Variants in TREM1 observed in about 807,000 individuals in gnomAD.
TREM1 encodes triggering receptor expressed on monocytes 1.
TREM1 carries 16 observed loss-of-function variants against 22.4 expected under a neutral mutation model. The ratio of observed to expected loss-of-function variants is 0.71; its 90% CI spans 0.48 to 1.08. The LOEUF (loss-of-function observed/expected upper bound fraction) is 1.08. Among genes scored for constraint, TREM1 ranks in the 50% least tolerant of loss-of-function variants. The pLI is 0.00. For synonymous variants in TREM1, 110 were observed against 111.6 expected, an observed-to-expected ratio of 0.99 and a Z score of 0.09; for missense variants, 283 against 282.9, an observed-to-expected ratio of 1.00 and a Z score of 0.00.
chr6:41,283,719 A>AAACAC (rs1554147927), intron 1 of TREM1, among the ~76,000 whole-genome samples: 17 of 147,034 alleles, frequency 1.2e-4, no homozygotes, highest in African/African-American at 4.3e-4. Context: ...TAAAAAAAAA[A>AAACAC]ACACACACAC....
downstream of TREM1, among the ~76,000 whole-genome samples, chr6:41,270,600 A>G (rs1315435726): frequency 6.6e-6 from 1 of 152,054 alleles, no homozygotes; most frequent in African/African-American, 2.4e-5. Context: ...AGACTGGAAA[A>G]TGTTCATCAT....
rs1022180927 is a variant in TREM1, at chr6:41,275,459, A to G, written c.*666T>C. ...GGATCCAGCGATAAATGCACACAGG[A>G]TGTCTGACATGGTCTGTTGTTGCTC... is the stretch of plus-strand genomic sequence containing the variant. On this transcript the variant is annotated 3_prime_UTR_variant, in exon 4 of 4. Transcript: ENST00000244709. 1 of 152,246 alleles carries G rather than the reference A, an allele frequency of 6.6e-6. No homozygotes were observed. Among genetic ancestry groups the G allele is most frequent in the Non-Finnish European group, 1.5e-5 (1 of 68,118 alleles). The allele number at this position is 152,246 out of a possible 1,614,324, so 9.4% of individuals were successfully genotyped here.
intron 1 of TREM1, among the ~76,000 whole-genome samples, chr6:41,285,892 C>T (rs1028366077): frequency 6.6e-6 from 1 of 152,216 alleles, no homozygotes; most frequent in African/African-American, 2.4e-5. Flanking sequence ...TTTTTCATGC[C>T]TTCCCAAGGC....
chr6:41,281,056 G>T lies in TREM1; in HGVS notation c.504C>A (p.Ser168Arg). The T allele has an allele frequency of 6.2e-7, 1 of 1,614,232 alleles. No individual in the cohort carries two copies. The highest frequency in any genetic ancestry group is 1.3e-5 in the African/African-American group (1 of 75,044). Residue 168 changes from serine to arginine, a missense_variant, in exon 3 of 4, where the codon AGC (serine) becomes AGA (arginine). Physicochemically the swap from Ser to Arg is moderately radical, Grantham distance 110. Transcript: ENST00000244709. ...GTGGAGCTTGGGTCACAGTTCTGGGGCTGGTATAGAGTGGGCACAAGGCCT... is the reference window on the plus strand; with the variant it reads ...GTGGAGCTTGGGTCACAGTTCTGGGTCTGGTATAGAGTGGGCACAAGGCCT... The part of the protein sequence containing the change: ...TTKALCPLYT[S>R]PRTVTQAPPK...
Position 41,276,242 on chromosome 6 carries a change from A to G in TREM1, c.600-12T>C. 6.2e-7 allele frequency: 1 copy of G among 1,607,702 alleles called. No individual in the cohort carries two copies. On this transcript the variant is annotated splice_polypyrimidine_tract_variant and intron_variant, in intron 3 of 3. Coordinates refer to ENST00000244709, the MANE Select transcript of TREM1 (RefSeq NM_018643.5). ...TGAACACCGGAACCCTGCGGGAGAC[A>G]AGAGGCTGAACGCTACTGCTGGCAA...
chr6:41,277,932 A>G (rs1312426206), intron 3 of TREM1, among the ~76,000 whole-genome samples: 2 of 124,360 alleles, frequency 1.6e-5, no homozygotes, highest in African/African-American at 3.3e-5. Context: ...TTTTTTTTAG[A>G]GAGAAAGAGA....
At chr6:41,270,982 A>C (rs2113969003), downstream of TREM1, among the ~76,000 whole-genome samples, 1 of 152,268 alleles carries the variant, frequency 6.6e-6, no homozygotes, top group East Asian at 1.9e-4. Flanking sequence ...TTGGGATTAC[A>C]GGTGCGAGCC....
intron 3 of TREM1, chr6:41,279,453 A>G (rs1767808833): frequency 1.1e-6 from 1 of 921,540 alleles, no homozygotes; most frequent in African/African-American, 1.8e-5. Context: ...TTCCGGTAAA[A>G]GTAAGAATAT....
downstream of TREM1, among the ~76,000 whole-genome samples, chr6:41,271,705 T>C (rs914517363): frequency 1.3e-5 from 2 of 152,212 alleles, no homozygotes; most frequent in Non-Finnish European, 2.9e-5. Flanking sequence ...ACCTCCAGCT[T>C]CTGTTTCATC....
At chr6:41,285,355 A>G (rs543773647) in intron 1 of TREM1, among the ~76,000 whole-genome samples, 16 of 152,370 alleles carry the variant, frequency 1.1e-4, no homozygotes, top group Admixed American at 9.8e-4. Flanking sequence ...TAATCTTTAT[A>G]AAGTAAAAAG....
At chr6:41,280,867 C>T (rs1188305001) in intron 3 of TREM1, 94 bp downstream of exon 3, 2 of 1,589,970 alleles carry the variant, frequency 1.3e-6, no homozygotes, top group Non-Finnish European at 1.7e-6. Flanking sequence ...CCCCACCCTC[C>T]CCTTTCCCTC....
chr6:41,277,711 C>T (rs1435225168), intron 3 of TREM1, among the ~76,000 whole-genome samples: 1 of 152,156 alleles, frequency 6.6e-6, no homozygotes, highest in African/African-American at 2.4e-5. Flanking sequence ...GCTGCCCTTG[C>T]TCAGTTACTG....
At chr6:41,286,076 A>G (rs1016845513) in intron 1 of TREM1, among the ~76,000 whole-genome samples, 1 of 152,176 alleles carries the variant, frequency 6.6e-6, no homozygotes, top group Non-Finnish European at 1.5e-5. Flanking sequence ...GAGCCTCAGC[A>G]ACTGTGCCCT....
chr6:41,281,421 G>A, intron 2 of TREM1: 3 of 338,096 alleles, frequency 8.9e-6, no homozygotes, highest in Non-Finnish European at 1.1e-5. Flanking sequence ...GTGAGGGAGA[G>A]CAGAAAGAGA....
intron 2 of TREM1, 50 bp downstream of exon 2, chr6:41,282,345 C>T (rs754743845): frequency 1.8e-5 from 26 of 1,429,810 alleles, no homozygotes; most frequent in South Asian, 7.6e-5. Context: ...ACCACCACTG[C>T]CCCTTTCCTC....
intron 1 of TREM1, among the ~76,000 whole-genome samples, chr6:41,284,822 C>T (rs11961504): frequency 0.058 from 8,753 of 152,208 alleles, 681 homozygotes; most frequent in African/African-American, 0.18. Context: ...TGAAATCAGT[C>T]TTGAAAGCCA....
intron 1 of TREM1, 52 bp downstream of exon 1, chr6:41,286,555 C>G (rs1768178624): frequency 6.2e-7 from 1 of 1,606,212 alleles, no homozygotes; most frequent in South Asian, 1.1e-5. Context: ...AAAGGGCTCC[C>G]CGAGATCCTG....
chr6:41,282,800 CTCTGAGTGGGG>C, intron 1 of TREM1, 49 bp from the exon 2 acceptor site: 1 of 1,502,110 alleles, frequency 6.7e-7, no homozygotes, highest in Admixed American at 2.0e-5. Flanking sequence ...ATTTTTCTCT[CTCTGAGTGGGG>C]AAAAAGGAGA....
downstream of TREM1, among the ~76,000 whole-genome samples, chr6:41,267,668 G>A (rs540413553): frequency 8.2e-4 from 124 of 152,070 alleles, no homozygotes; most frequent in South Asian, 5.0e-3. Flanking sequence ...CAAGGAGGGA[G>A]GATCACTTGA....
Sources: allele counts gnomAD v4.1 joint callset (sites outside exome capture counted in the v4.1 genomes callset), GRCh38; gene constraint gnomAD v4.1.1; transcripts MANE v1.5; gene names NCBI Gene and HGNC (gene_info 2026-07-23, HGNC 2026-07-21).